GPR158: variants seen among roughly 807,000 people sequenced by gnomAD.
GPR158 encodes G protein-coupled receptor 158.
In GPR158, 30 loss-of-function variants were observed where a neutral mutation model predicts 78.2. The ratio of observed to expected loss-of-function variants is 0.38; its 90% CI spans 0.29 to 0.52. GPR158 has a LOEUF of 0.52. GPR158 is among the 20% of genes least tolerant of loss of function. GPR158 has a pLI of 0.83. For missense variants in GPR158, 1,463 were observed against 1,523.5 expected (o/e 0.96, Z 0.66); for synonymous variants, 581 against 591.1 (o/e 0.98, Z 0.25).
chr10:25,304,540 T>C (rs1854641379), intron 2 of GPR158, among the ~76,000 whole-genome samples: 1 of 152,086 alleles, frequency 6.6e-6, no homozygotes, highest in African/African-American at 2.4e-5. Flanking sequence ...TAGAACTTAC[T>C]TCATAGAGTT....
At chr10:25,555,769 T>G (rs973319921) in intron 6 of GPR158, among the ~76,000 whole-genome samples, 11 of 152,138 alleles carry the variant, frequency 7.2e-5, no homozygotes, top group African/African-American at 1.7e-4. Context: ...ACTTTTTTTT[T>G]GTACTATGTT....
At chr10:25,409,854 T>A (rs1834561907) in intron 3 of GPR158, among the ~76,000 whole-genome samples, 1 of 152,180 alleles carries the variant, frequency 6.6e-6, no homozygotes, top group Non-Finnish European at 1.5e-5. Flanking sequence ...CTATCAACCA[T>A]GAGTTTTTCT....
At chr10:25,574,194 A>C (rs1427980230) in intron 7 of GPR158, among the ~76,000 whole-genome samples, 1 of 151,334 alleles carries the variant, frequency 6.6e-6, no homozygotes, top group African/African-American at 2.4e-5. Context: ...ATGATGACAC[A>C]AACAAGCAGA....
At chr10:25,471,284 G>A (rs1013761800) in intron 5 of GPR158, among the ~76,000 whole-genome samples, 17 of 152,248 alleles carry the variant, frequency 1.1e-4, no homozygotes, top group Middle Eastern at 3.4e-3. Context: ...TGAAGGACAT[G>A]AACTCATCCT....
intron 6 of GPR158, among the ~76,000 whole-genome samples, chr10:25,559,963 A>C (rs1836840145): frequency 6.6e-6 from 1 of 152,248 alleles, no homozygotes; most frequent in Non-Finnish European, 1.5e-5. Flanking sequence ...TTTTTAATAT[A>C]GTGGTGTGCG....
intron 2 of GPR158, among the ~76,000 whole-genome samples, chr10:25,295,321 C>G (rs540585890): frequency 3.0e-4 from 45 of 152,232 alleles, no homozygotes; most frequent in Non-Finnish European, 5.9e-4. Context: ...TGCTTGCACT[C>G]TGTAAAGTCT....
In GPR158 at chr10:25,241,077, A is replaced by G. The variant is rs998802437; in HGVS notation, c.1008+19920A>G. ...TTTCCTAAAGAGGTTTTGTTTTTCT[A>G]TGTATTTTTTAACTCAATTATGACC... is the stretch of plus-strand genomic sequence containing the variant. On this transcript the variant is annotated intron_variant, in intron 2 of 10. Coordinates refer to ENST00000376351, the MANE Select transcript of GPR158 (RefSeq NM_020752.3). Among the ~76,000 whole-genome samples the G allele has an allele frequency of 3.3e-5, 5 of 151,818 alleles. No individual in the cohort carries two copies. The South Asian group carries it at 8.3e-4, about 25-fold the overall frequency.
chr10:25,255,251 C>T (rs1251175849), intron 2 of GPR158, among the ~76,000 whole-genome samples: 2 of 152,186 alleles, frequency 1.3e-5, no homozygotes, highest in African/African-American at 4.8e-5. Flanking sequence ...TTCAGTGTAG[C>T]TCAGTTCAGC....
intron 2 of GPR158, among the ~76,000 whole-genome samples, chr10:25,365,232 T>G (rs1292325824): frequency 6.7e-6 from 1 of 150,058 alleles, no homozygotes; most frequent in Non-Finnish European, 1.5e-5. Context: ...AATAATTTTC[T>G]TTGTGAGTGA....
intron 2 of GPR158, among the ~76,000 whole-genome samples, chr10:25,309,215 C>CTGCG (rs1854726804): frequency 6.6e-6 from 1 of 150,458 alleles, no homozygotes; most frequent in African/African-American, 2.4e-5. Flanking sequence ...TTGTTATTTT[C>CTGCG]TGTGTGTGTG....
At chr10:25,222,509 C>T (rs1215073701) in intron 2 of GPR158, among the ~76,000 whole-genome samples, 1 of 152,032 alleles carries the variant, frequency 6.6e-6, no homozygotes, top group Non-Finnish European at 1.5e-5. Flanking sequence ...AATGTTTCTG[C>T]CTTGCTAACT....
chr10:25,557,010 A>T (rs1836795026), intron 6 of GPR158, among the ~76,000 whole-genome samples: 1 of 152,202 alleles, frequency 6.6e-6, no homozygotes. Context: ...GGACATTTTT[A>T]TCATTTTAAA....
chr10:25,467,746 T>C (rs1410930), intron 5 of GPR158, among the ~76,000 whole-genome samples: 105,895 of 151,918 alleles, frequency 0.7, 37,459 homozygotes, highest in East Asian at 0.99. Context: ...ACAGTACACT[T>C]GGAAAGATGG....
chr10:25,448,922 T>C (rs1398737655), intron 4 of GPR158, among the ~76,000 whole-genome samples: 1 of 152,204 alleles, frequency 6.6e-6, no homozygotes, highest in Non-Finnish European at 1.5e-5. Context: ...TTGAAAATTT[T>C]AAGTAATAAT....
At chr10:25,361,566 G>T (rs72796143) in intron 2 of GPR158, among the ~76,000 whole-genome samples, 4,408 of 151,968 alleles carry the variant, frequency 0.029, 104 homozygotes, top group Non-Finnish European at 0.048. Context: ...ATGCACAAGG[G>T]TACCAATTTT....
chr10:25,372,409 A>T (rs968158602), intron 2 of GPR158, among the ~76,000 whole-genome samples: 6 of 149,454 alleles, frequency 4.0e-5, no homozygotes, highest in Non-Finnish European at 8.9e-5. Flanking sequence ...ACATGCACAC[A>T]TATGTTTATT....
At chr10:25,446,889 A>T (rs937500282) in intron 4 of GPR158, among the ~76,000 whole-genome samples, 1 of 152,318 alleles carries the variant, frequency 6.6e-6, no homozygotes, top group Non-Finnish European at 1.5e-5. Flanking sequence ...GGCAGATAAG[A>T]TAGGGAAGAT....
intron 2 of GPR158, among the ~76,000 whole-genome samples, chr10:25,278,304 A>ATAAAT (rs1278376187): frequency 1.1e-4 from 16 of 152,316 alleles, no homozygotes; most frequent in African/African-American, 3.1e-4. Context: ...AAATTAACTC[A>ATAAAT]TAAATATATT....
intron 2 of GPR158, among the ~76,000 whole-genome samples, chr10:25,244,374 G>C (rs1033246899): frequency 6.6e-6 from 1 of 152,080 alleles, no homozygotes; most frequent in Non-Finnish European, 1.5e-5. Flanking sequence ...TTTCTTTATA[G>C]GATCCTTTTC....
Sources: allele counts gnomAD v4.1 joint callset (sites outside exome capture counted in the v4.1 genomes callset), GRCh38; gene constraint gnomAD v4.1.1; transcripts MANE v1.5; gene names NCBI Gene and HGNC (gene_info 2026-07-23, HGNC 2026-07-21).